Variants in MGAT1 observed in about 807,000 individuals in gnomAD.
MGAT1 encodes the protein N-glycosyl-oligosaccharide-glycoprotein N-acetylglucosaminyltransferase I.
Under a neutral mutation model 31.7 loss-of-function variants are expected in MGAT1, and 14 were observed. The ratio of observed to expected loss-of-function variants is 0.44; its 90% CI spans 0.29 to 0.69. MGAT1 has a LOEUF of 0.69. Among genes scored for constraint, MGAT1 ranks in the 30% least tolerant of loss-of-function variants. The pLI, the probability that MGAT1 is intolerant of heterozygous loss-of-function variation, is 0.12. For synonymous variants in MGAT1, 338 were observed against 276.0 expected (o/e 1.22, Z -2.23); for missense variants, 557 against 626.0 (o/e 0.89, Z 1.18).
chr5:180,799,289 G>A (rs1770179132), intron 1 of MGAT1, among the ~76,000 whole-genome samples: 1 of 152,094 alleles, frequency 6.6e-6, no homozygotes, highest in Non-Finnish European at 1.5e-5. Context: ...GGCCTCAGCA[G>A]GCTGCTTTTT....
Position 180,788,872 on chromosome 5 carries a change from G to C in MGAT1, c.*2762C>G, listed in dbSNP as rs889220024. The C allele has an allele frequency of 5.9e-5, 9 of 152,356 alleles. No homozygotes were observed. The highest frequency in any genetic ancestry group is 1.9e-4 in the African/African-American group (8 of 41,444). The allele number at this position is 152,356 out of a possible 1,614,324, so 9.4% of individuals were successfully genotyped here. On this transcript the variant is annotated 3_prime_UTR_variant, in exon 2 of 2. Coordinates refer to ENST00000307826, the MANE Select transcript of MGAT1 (RefSeq NM_002406.4). ...CTTATCCTGGAGCACTAAGTAAGTT[G>C]GTACTTATCCTGGAGCACTCAGAAC...
chr5:180,814,214 C>G (rs1772730307), intron 1 of MGAT1, among the ~76,000 whole-genome samples: 1 of 152,200 alleles, frequency 6.6e-6, no homozygotes, highest in African/African-American at 2.4e-5. Flanking sequence ...AGTCTGAAGT[C>G]TGGTAGGTAC....
At chr5:180,794,447 C>T (rs1241611800) in intron 1 of MGAT1, among the ~76,000 whole-genome samples, 1 of 146,890 alleles carries the variant, frequency 6.8e-6, no homozygotes, top group African/African-American at 2.7e-5. Context: ...ACAAAACCTC[C>T]ATAATTACAA....
At position 180,792,011 on chromosome 5, in the gene MGAT1, G is replaced by A. The variant is rs766271880; in HGVS notation, c.961C>T (p.His321Tyr). 6.2e-7 allele frequency: 1 copy of A among 1,614,176 alleles called. No homozygotes were observed. Among genetic ancestry groups the A allele is most frequent in the Non-Finnish European group, 8.5e-7 (1 of 1,180,052 alleles). ...TMTFGRKGVS[H>Y]GQFFDQHLKF... The stretch of plus-strand genomic sequence containing the variant: ...AGGTGCTGGTCAAAGAACTGCCCGT[G>A]GCTCACACCCTTGCGGCCAAAGGTC... The change falls in exon 2 of 2, where the codon CAC becomes TAC. Residue 321 changes from histidine to tyrosine, a missense_variant. Physicochemically the swap from His to Tyr is moderately conservative, Grantham distance 83. Coordinates refer to ENST00000307826, the MANE Select transcript of MGAT1 (RefSeq NM_002406.4).
chr5:180,810,334 C>T (rs1772425589), intron 1 of MGAT1: 1 of 152,354 alleles, frequency 6.6e-6, no homozygotes, highest in African/African-American at 2.4e-5. Context: ...TCTGCAGGGC[C>T]TGAGACTGTT....
intron 1 of MGAT1, chr5:180,810,890 C>T (rs1318277439): frequency 2.6e-5 from 4 of 152,222 alleles, no homozygotes; most frequent in Non-Finnish European, 1.5e-5. Context: ...GCTGTTGGTA[C>T]CTGCGGCCGG....
At chr5:180,798,766 T>C (rs1459020733) in intron 1 of MGAT1, among the ~76,000 whole-genome samples, 13 of 152,252 alleles carry the variant, frequency 8.5e-5, no homozygotes. Context: ...TCATACATTT[T>C]GCTACAGAAA....
chr5:180,804,853 C>T (rs148725673), upstream of MGAT1, among the ~76,000 whole-genome samples: 94 of 152,228 alleles, frequency 6.2e-4, 1 homozygote, highest in East Asian at 0.015. Context: ...AACAGGATGG[C>T]GGCTGTTCGT....
upstream of MGAT1, among the ~76,000 whole-genome samples, chr5:180,807,803 C>A (rs1039437003): frequency 1.3e-5 from 2 of 152,260 alleles, no homozygotes; most frequent in East Asian, 1.9e-4. Flanking sequence ...CATTCAGGGG[C>A]AGGCTTTTCA....
At chr5:180,804,662 A>G (rs1047811747), upstream of MGAT1, among the ~76,000 whole-genome samples, 2 of 152,230 alleles carry the variant, frequency 1.3e-5, no homozygotes, top group Admixed American at 1.3e-4. Flanking sequence ...TAAAGGAAAA[A>G]ACAATTGTGT....
chr5:180,814,829 A>T (rs551756554), intron 1 of MGAT1, among the ~76,000 whole-genome samples: 20 of 151,398 alleles, frequency 1.3e-4, no homozygotes, highest in Admixed American at 3.3e-4. Flanking sequence ...AATCCCAGCT[A>T]CCCCAGAGGC....
At chr5:180,803,740 AG>A (rs1410656229), upstream of MGAT1, 1 of 152,656 alleles carries the variant, frequency 6.6e-6, no homozygotes, top group African/African-American at 2.4e-5. Context: ...GCCAGGAGCC[AG>A]CCCCACTCCC....
At chr5:180,797,535 G>C (rs1024319563) in intron 1 of MGAT1, among the ~76,000 whole-genome samples, 1 of 151,410 alleles carries the variant, frequency 6.6e-6, no homozygotes, top group African/African-American at 2.4e-5. Context: ...GCACCCTTTA[G>C]ATGCCTTTTT....
intron 1 of MGAT1, among the ~76,000 whole-genome samples, chr5:180,815,202 T>C (rs1307901729): frequency 6.6e-6 from 1 of 152,136 alleles, no homozygotes; most frequent in Non-Finnish European, 1.5e-5. Flanking sequence ...AGTTCTCCCA[T>C]GATGAATCCA....
At chr5:180,801,305 G>A (rs945195087) in intron 1 of MGAT1, among the ~76,000 whole-genome samples, 1 of 152,184 alleles carries the variant, frequency 6.6e-6, no homozygotes, top group Non-Finnish European at 1.5e-5. Context: ...GTACAGAAGT[G>A]GAAGAAATGG....
At chr5:180,799,493 G>A (rs1770243446) in intron 1 of MGAT1, among the ~76,000 whole-genome samples, 1 of 152,154 alleles carries the variant, frequency 6.6e-6, no homozygotes, top group African/African-American at 2.4e-5. Context: ...TCTCCACGCT[G>A]TAACAGAATC....
chr5:180,805,091 C>G (rs550537249), upstream of MGAT1, among the ~76,000 whole-genome samples: 233 of 152,156 alleles, frequency 1.5e-3, 2 homozygotes, highest in South Asian at 3.3e-3. Flanking sequence ...AGGCTCTGAG[C>G]TCTTGATAGA....
In MGAT1 at chr5:180,794,411, T is replaced by TTTTATATATATATATATATATATATATA. The variant is rs528893463; in HGVS notation, c.-126-1315_-126-1314insTATATATATATATATATATATATATAAA. Among the ~76,000 whole-genome samples the TTTTATATATATATATATATATATATATA allele has an allele frequency of 2.0e-4, 29 of 142,022 alleles. 2 individuals are homozygous for TTTTATATATATATATATATATATATATA. Among genetic ancestry groups the TTTTATATATATATATATATATATATATA allele is most frequent in the Middle Eastern group, 3.5e-3 (1 of 288 alleles). The allele number at this position is 142,022 out of a possible 152,430, so 93.2% of individuals were successfully genotyped here. A position where few individuals can be genotyped will look rare whatever the true frequency, so the allele number is the denominator to read the frequency against. ...TCTGTCTCAAAAAAATTTTTTTTTA[T>TTTTATATATATATATATATATATATATA]TATATATATATATATATGGCATACT... On this transcript the variant is annotated intron_variant, in intron 1 of 1. Coordinates refer to ENST00000307826, the MANE Select transcript of MGAT1 (RefSeq NM_002406.4).
At chr5:180,808,652 CT>C (rs1772176303) in exon 2 of MGAT1, 1 of 152,232 alleles carries the variant, frequency 6.6e-6, no homozygotes, top group African/African-American at 2.4e-5. Context: ...CCTTACCTTT[CT>C]TCTCTTGTCT....
Sources: allele counts gnomAD v4.1 joint callset (sites outside exome capture counted in the v4.1 genomes callset), GRCh38; gene constraint gnomAD v4.1.1; transcripts MANE v1.5; gene names NCBI Gene and HGNC (gene_info 2026-07-23, HGNC 2026-07-21).